FOXP2: variants seen among roughly 807,000 people sequenced by gnomAD.
The protein encoded by FOXP2 is forkhead box protein P2.
In FOXP2, 12 loss-of-function variants were observed where a neutral mutation model predicts 115.8. The ratio of observed to expected loss-of-function variants is 0.10; its 90% CI spans 0.07 to 0.17. The LOEUF (loss-of-function observed/expected upper bound fraction) is 0.17, where lower values mean the gene tolerates loss of function less well. Ranked by LOEUF, FOXP2 falls within the 10% of genes least tolerant of loss-of-function variation. FOXP2 has a pLI of 1.00. For missense variants in FOXP2, 629 were observed against 843.5 expected (o/e 0.75, Z 3.15); for synonymous variants, 328 against 297.7 (o/e 1.10, Z -1.05).
At chr7:114,539,432 G>T (rs1236285851) in intron 3 of FOXP2, among the ~76,000 whole-genome samples, 5 of 151,782 alleles carry the variant, frequency 3.3e-5, no homozygotes, top group African/African-American at 1.2e-4. Flanking sequence ...TGAGATACGG[G>T]TTTAAATAGA....
chr7:114,130,338 T>C (rs1031463892), intron 1 of FOXP2, among the ~76,000 whole-genome samples: 1 of 152,090 alleles, frequency 6.6e-6, no homozygotes, highest in Non-Finnish European at 1.5e-5. Flanking sequence ...CTCTAGAACA[T>C]ACCAGAAAGA....
At chr7:114,170,951 A>G (rs1793120667) in intron 1 of FOXP2, among the ~76,000 whole-genome samples, 1 of 152,250 alleles carries the variant, frequency 6.6e-6, no homozygotes, top group African/African-American at 2.4e-5. Context: ...ACAACCTTTT[A>G]TTGTAAGAAG....
intron 2 of FOXP2, among the ~76,000 whole-genome samples, chr7:114,476,884 C>A (rs987788052): frequency 6.6e-6 from 1 of 151,632 alleles, no homozygotes; most frequent in Non-Finnish European, 1.5e-5. Flanking sequence ...CTGTAAATGG[C>A]CAAATAATAT....
intron 1 of FOXP2, among the ~76,000 whole-genome samples, chr7:114,274,574 A>G (rs1311114547): frequency 9.4e-6 from 1 of 106,412 alleles, no homozygotes; most frequent in Non-Finnish European, 2.0e-5. Context: ...AGGGTATGGA[A>G]TTCTGGATTG....
Position 114,534,729 on chromosome 7 carries a change from T to A in FOXP2, c.258+23T>A, listed in dbSNP as rs747904615. Reference sequence around the variant, plus strand: ...CAGGTTAGTAAAGCACTCCTGTCCTTGGGGTCTTATTTTAAAAGATGTTCA... The same window carrying A: ...CAGGTTAGTAAAGCACTCCTGTCCTAGGGGTCTTATTTTAAAAGATGTTCA... On this transcript the variant is annotated intron_variant, in intron 3 of 16. Coordinates refer to ENST00000350908, the MANE Select transcript of FOXP2 (RefSeq NM_014491.4). 3 of 1,578,656 alleles carry A rather than the reference T, an allele frequency of 1.9e-6. No individual in the cohort carries two copies. The Admixed American group carries it at 5.0e-5, about 26-fold the overall frequency.
intron 1 of FOXP2, among the ~76,000 whole-genome samples, chr7:114,095,404 C>T (rs1799625399): frequency 6.6e-6 from 1 of 151,660 alleles, no homozygotes; most frequent in Non-Finnish European, 1.5e-5. Context: ...GAAAAATGAC[C>T]ACAGTCACTT....
At chr7:114,678,107 T>G (rs904232748) in intron 16 of FOXP2, among the ~76,000 whole-genome samples, 1 of 152,190 alleles carries the variant, frequency 6.6e-6, no homozygotes, top group Non-Finnish European at 1.5e-5. Context: ...AATTTTGAGT[T>G]AGGCTTAACG....
Position 114,631,692 on chromosome 7 carries a change from A to G in FOXP2, c.762A>G (p.Gln254=). The part of the protein sequence containing the change: ...IPPGQAALPV[Q]SLPQAGLSPA... Reference sequence around the variant, plus strand: ...CTGGCCAGGCAGCACTTCCTGTCCAATCGCTGCCTCAAGGTACATACAAAA... The same window carrying G: ...CTGGCCAGGCAGCACTTCCTGTCCAGTCGCTGCCTCAAGGTACATACAAAA... The change falls in exon 6 of 17, where the codon CAA becomes CAG. Residue 254 remains glutamine (Q), a synonymous_variant. Coordinates refer to ENST00000350908, the MANE Select transcript of FOXP2 (RefSeq NM_014491.4). The G allele has an allele frequency of 2.5e-6, 4 of 1,614,066 alleles. No homozygotes were observed. Among genetic ancestry groups the G allele is most frequent in the Non-Finnish European group, 3.4e-6 (4 of 1,179,992 alleles).
chr7:114,141,154 T>C (rs1397130447), intron 1 of FOXP2, among the ~76,000 whole-genome samples: 4 of 152,110 alleles, frequency 2.6e-5, no homozygotes, highest in African/African-American at 9.7e-5. Context: ...TATTTACCAG[T>C]AAGCTAAGTC....
intron 6 of FOXP2, among the ~76,000 whole-genome samples, chr7:114,636,790 A>C (rs1805246622): frequency 6.6e-6 from 1 of 152,258 alleles, no homozygotes; most frequent in Non-Finnish European, 1.5e-5. Flanking sequence ...TTAAGGACAT[A>C]TAATCTAGAT....
At chr7:114,161,568 T>C (rs1337355313), upstream of FOXP2, among the ~76,000 whole-genome samples, 2 of 151,852 alleles carry the variant, frequency 1.3e-5, no homozygotes, top group African/African-American at 4.8e-5. Flanking sequence ...CACCAGTATA[T>C]TGTGTTAAGT....
chr7:114,614,922 T>C lies in FOXP2; in HGVS notation c.259-13618T>C, dbSNP rs142111957. Among the ~76,000 whole-genome samples, 222 of 152,154 alleles carry C rather than the reference T, an allele frequency of 1.5e-3. 5 individuals are homozygous for C. In the East Asian group the frequency reaches 0.041, roughly 28 times the overall value. ...AAATATGCCCCCAGATCTTCTCTTT[T>C]AAAAAAATAAAACTTTGGCTGGGCG... On this transcript the variant is annotated intron_variant, in intron 3 of 16. Coordinates refer to ENST00000350908, the MANE Select transcript of FOXP2 (RefSeq NM_014491.4).
chr7:114,156,274 G>C (rs1453417706), intron 1 of FOXP2, among the ~76,000 whole-genome samples: 1 of 152,022 alleles, frequency 6.6e-6, no homozygotes, highest in East Asian at 1.9e-4. Flanking sequence ...TTGGTTGCCT[G>C]ACATTTTTGG....
rs920208430 is a variant in FOXP2, at chr7:114,689,907, T to C, written c.2129T>C (p.Leu710Ser). The change falls in exon 17 of 17, where the codon TTA becomes TCA. Residue 710 changes from leucine to serine, a missense_variant. Transcript: ENST00000350908. ...GACAGAGAGATTGAAGAAGAGCCTT[T>C]ATCTGAAGATCTGGAATGAGAACTG... is the stretch of plus-strand genomic sequence containing the variant. ...EDDREIEEEPLSEDLE is the reference protein window; with the variant it reads ...EDDREIEEEPSSEDLE 6.2e-7 allele frequency: 1 copy of C among 1,613,326 alleles called. No homozygotes were observed. The highest frequency in any genetic ancestry group is 8.5e-7 in the Non-Finnish European group (1 of 1,179,468).
chr7:114,367,034 G>A (rs918994795), intron 2 of FOXP2, among the ~76,000 whole-genome samples: 3 of 152,114 alleles, frequency 2.0e-5, no homozygotes, highest in African/African-American at 7.2e-5. Context: ...TGTAGAGCAT[G>A]TGCATTGTGC....
intron 1 of FOXP2, among the ~76,000 whole-genome samples, chr7:114,423,524 A>T (rs1271559085): frequency 6.6e-6 from 1 of 151,620 alleles, no homozygotes; most frequent in Non-Finnish European, 1.5e-5. Context: ...TACAGTTCAG[A>T]CAAACATTAA....
intron 1 of FOXP2, among the ~76,000 whole-genome samples, chr7:114,241,755 TTA>T (rs1491333902): frequency 6.6e-6 from 1 of 151,368 alleles, no homozygotes; most frequent in Non-Finnish European, 1.5e-5. Context: ...TATTTTTTTT[TTA>T]TTCTATCGGT....
chr7:114,375,656 A>C (rs2129190413), intron 2 of FOXP2, among the ~76,000 whole-genome samples: 1 of 152,288 alleles, frequency 6.6e-6, no homozygotes, highest in South Asian at 2.1e-4. Flanking sequence ...AGAGATCCTA[A>C]GTCTTATGTC....
At chr7:114,174,935 A>C (rs1793247826) in intron 1 of FOXP2, among the ~76,000 whole-genome samples, 1 of 152,124 alleles carries the variant, frequency 6.6e-6, no homozygotes, top group African/African-American at 2.4e-5. Flanking sequence ...AGTAGCCTGT[A>C]TATCTTGCCT....
Sources: allele counts gnomAD v4.1 joint callset (sites outside exome capture counted in the v4.1 genomes callset), GRCh38; gene constraint gnomAD v4.1.1; transcripts MANE v1.5; gene names NCBI Gene and HGNC (gene_info 2026-07-23, HGNC 2026-07-21).